Variants in DENND5B observed in about 807,000 individuals in gnomAD.
DENND5B encodes DENN domain containing 5B.
Under a neutral mutation model 140.6 loss-of-function variants are expected in DENND5B, and 34 were observed. The ratio of observed to expected loss-of-function variants is 0.24; its 90% CI spans 0.18 to 0.32. The LOEUF is 0.32. Ranked by LOEUF, DENND5B falls within the 10% of genes least tolerant of loss-of-function variation. The probability of loss-of-function intolerance (pLI) is 1.00; values close to 1 mark genes in which losing one functional copy is unlikely to be tolerated. For synonymous variants in DENND5B, 551 were observed against 562.1 expected (o/e 0.98, Z 0.28); for missense variants, 1,142 against 1,560.2 (o/e 0.73, Z 4.52).
At chr12:31,424,046 C>T (rs1409018742) in intron 10 of DENND5B, among the ~76,000 whole-genome samples, 7 of 151,818 alleles carry the variant, frequency 4.6e-5, no homozygotes, top group African/African-American at 1.7e-4. Flanking sequence ...TGTACATCTA[C>T]ATGTAAAATA....
intron 7 of DENND5B, among the ~76,000 whole-genome samples, chr12:31,438,491 C>T (rs1943879957): frequency 6.6e-6 from 1 of 152,056 alleles, no homozygotes; most frequent in Non-Finnish European, 1.5e-5. Context: ...GATCTAGTTA[C>T]AGATCTTTGA....
Position 31,415,390 on chromosome 12 carries a change from C to G in DENND5B, c.2529G>C (p.Arg843Ser), listed in dbSNP as rs757611813. ...ACCTCATGTCCTGAATAAGAGAGAC[C>G]CTGAGCGTTGGCAACATAACTCCTG... The part of the protein sequence containing the change: ...SDSGVMLPTL[R>S]VSLIQDMRHI... Residue 843 changes from arginine to serine, a missense_variant, in exon 12 of 21, where the codon AGG becomes AGC. By Grantham distance (110) the Arg-to-Ser change is moderately radical (BLOSUM62 -1). Coordinates refer to ENST00000389082, the MANE Select transcript of DENND5B (RefSeq NM_144973.4). 3.7e-6 allele frequency: 6 copies of G among 1,610,134 alleles called. No homozygotes were observed. The highest frequency in any genetic ancestry group is 5.1e-6 in the Non-Finnish European group (6 of 1,178,060).
intron 1 of DENND5B, among the ~76,000 whole-genome samples, chr12:31,563,478 T>C (rs1330066924): frequency 3.3e-5 from 5 of 152,204 alleles, no homozygotes; most frequent in Admixed American, 1.3e-4. Flanking sequence ...GATCATACTT[T>C]AATTGTAAAG....
chr12:31,482,967 T>C (rs1946127578), intron 2 of DENND5B, among the ~76,000 whole-genome samples: 1 of 152,194 alleles, frequency 6.6e-6, no homozygotes, highest in Admixed American at 6.5e-5. Flanking sequence ...CAACAACCTC[T>C]CTGCCCTCAT....
intron 1 of DENND5B, among the ~76,000 whole-genome samples, chr12:31,588,893 T>C (rs2139542272): frequency 1.3e-5 from 2 of 152,330 alleles, no homozygotes; most frequent in Middle Eastern, 3.4e-3. Flanking sequence ...AAATACATTA[T>C]TACCTGAATA....
chr12:31,511,873 T>C (rs1477031011), intron 1 of DENND5B, among the ~76,000 whole-genome samples: 4 of 150,228 alleles, frequency 2.7e-5, no homozygotes, highest in Admixed American at 6.7e-5. Flanking sequence ...CTTGACTATA[T>C]ATAAACTAAA....
intron 1 of DENND5B, among the ~76,000 whole-genome samples, chr12:31,519,080 TC>T (rs1947786278): frequency 6.6e-6 from 1 of 152,222 alleles, no homozygotes; most frequent in Admixed American, 6.5e-5. Context: ...TAGCTTCTTT[TC>T]TGTGCTTTGG....
In DENND5B at chr12:31,460,221, G is replaced by A. The variant is rs147157658; in HGVS notation, c.1065C>T (p.Asp355=). ...CTTGAGGAAGTTCTAGTTTAGAACGGTCAGTTCCTTCTTTTGACTGAAGGC... is the reference window on the plus strand; with the variant it reads ...CTTGAGGAAGTTCTAGTTTAGAACGATCAGTTCCTTCTTTTGACTGAAGGC... ...LMGLQSKEGT[D]RSKLELPQEA... Residue 355 remains aspartate (D), a synonymous_variant, in exon 4 of 21, where the codon GAC becomes GAT. Coordinates refer to ENST00000389082, the MANE Select transcript of DENND5B (RefSeq NM_144973.4). 5 of 1,613,576 alleles carry A rather than the reference G, an allele frequency of 3.1e-6. No homozygotes were observed. The African/African-American group carries it at 6.7e-5, about 21-fold the overall frequency.
intron 13 of DENND5B, among the ~76,000 whole-genome samples, chr12:31,412,529 T>C (rs1256975713): frequency 1.3e-5 from 2 of 152,214 alleles, no homozygotes; most frequent in South Asian, 2.1e-4. Context: ...ATAGGGTTTA[T>C]GCTCCTTTGA....
chr12:31,482,624 G>A (rs954526840), intron 2 of DENND5B, among the ~76,000 whole-genome samples: 2 of 151,654 alleles, frequency 1.3e-5, no homozygotes, highest in Admixed American at 6.6e-5. Flanking sequence ...TATCACTCAG[G>A]ATGAAGTGCA....
chr12:31,392,850 G>T lies in DENND5B; in HGVS notation c.3257-154C>A, dbSNP rs537320413. On this transcript the variant is annotated intron_variant, in intron 17 of 20. Transcript: ENST00000389082. Reference sequence around the variant, plus strand: ...ATAGAACTTGCCTCTGGCCTGTTTGGCCAAGTGGGAAGCATCCTGGCAAAA... The same window carrying T: ...ATAGAACTTGCCTCTGGCCTGTTTGTCCAAGTGGGAAGCATCCTGGCAAAA... Among the ~76,000 whole-genome samples the T allele has an allele frequency of 6.1e-4, 93 of 152,310 alleles. 1 individual carries two copies. Among genetic ancestry groups the T allele is most frequent in the Middle Eastern group, 3.4e-3 (1 of 294 alleles).
At chr12:31,429,987 G>A (rs1174477251) in intron 8 of DENND5B, among the ~76,000 whole-genome samples, 3 of 151,728 alleles carry the variant, frequency 2.0e-5, no homozygotes, top group Non-Finnish European at 4.4e-5. Flanking sequence ...GATTATAGGT[G>A]TGAGCCACCG....
intron 1 of DENND5B, among the ~76,000 whole-genome samples, chr12:31,521,624 G>T (rs1478659022): frequency 6.6e-6 from 1 of 152,042 alleles, no homozygotes; most frequent in Admixed American, 6.5e-5. Context: ...TTTTTTAGTG[G>T]CTTTTCTACT....
At chr12:31,540,580 G>A (rs1948651723) in intron 1 of DENND5B, among the ~76,000 whole-genome samples, 1 of 151,940 alleles carries the variant, frequency 6.6e-6, no homozygotes, top group Non-Finnish European at 1.5e-5. Flanking sequence ...CTTGAACCTG[G>A]GAGGCAGAGG....
intron 6 of DENND5B, among the ~76,000 whole-genome samples, chr12:31,443,371 G>A (rs113886006): frequency 0.017 from 2,557 of 152,184 alleles, 72 homozygotes; most frequent in African/African-American, 0.058. Flanking sequence ...CACCACGCCC[G>A]GTCTTGAAAT....
intron 8 of DENND5B, among the ~76,000 whole-genome samples, chr12:31,428,806 A>C (rs111516804): frequency 6.6e-6 from 1 of 151,926 alleles, no homozygotes; most frequent in Non-Finnish European, 1.5e-5. Flanking sequence ...ATCTCGGCTC[A>C]CTGCAAGCTC....
intron 3 of DENND5B, among the ~76,000 whole-genome samples, chr12:31,471,919 A>C (rs1356309801): frequency 1.3e-5 from 2 of 152,124 alleles, no homozygotes; most frequent in African/African-American, 4.8e-5. Context: ...TTACCTTGAG[A>C]AGGGAGACTG....
At chr12:31,512,899 C>G (rs1947483060) in intron 1 of DENND5B, among the ~76,000 whole-genome samples, 1 of 152,140 alleles carries the variant, frequency 6.6e-6, no homozygotes, top group African/African-American at 2.4e-5. Context: ...AAATTAACGA[C>G]CAGTATTTGG....
At chr12:31,419,419 G>T (rs1464241262) in intron 11 of DENND5B, among the ~76,000 whole-genome samples, 1 of 150,140 alleles carries the variant, frequency 6.7e-6, no homozygotes, top group Non-Finnish European at 1.5e-5. Flanking sequence ...TCCAGTCTTG[G>T]CAACAAGAGC....
Sources: allele counts gnomAD v4.1 joint callset (sites outside exome capture counted in the v4.1 genomes callset), GRCh38; gene constraint gnomAD v4.1.1; transcripts MANE v1.5; gene names NCBI Gene and HGNC (gene_info 2026-07-23, HGNC 2026-07-21).